Variants in ATP8A2 observed in about 807,000 individuals in gnomAD.
ATP8A2 encodes ATPase phospholipid transporting 8A2, also known as phospholipid-transporting ATPase IB.
In ATP8A2, 100 loss-of-function variants were observed where a neutral mutation model predicts 165.6. The ratio of observed to expected loss-of-function variants is 0.60; its 90% confidence interval spans 0.51 to 0.71. ATP8A2 has a LOEUF of 0.71. Among genes scored for constraint, ATP8A2 ranks in the 30% least tolerant of loss-of-function variants. ATP8A2 has a pLI of 0.00. For synonymous variants in ATP8A2, 543 were observed against 548.8 expected, an observed-to-expected ratio of 0.99 and a Z score of 0.15; for missense variants, 1,227 against 1,479.5, an observed-to-expected ratio of 0.83 and a Z score of 2.80.
At chr13:25,608,853 A>G (rs1445866058) in intron 24 of ATP8A2, among the ~76,000 whole-genome samples, 2 of 152,318 alleles carry the variant, frequency 1.3e-5, no homozygotes, top group East Asian at 3.9e-4. Flanking sequence ...TGTGAGTGCT[A>G]TGCCCTTGCC....
At chr13:25,893,079 T>C (rs2138908683) in intron 33 of ATP8A2, among the ~76,000 whole-genome samples, 1 of 152,206 alleles carries the variant, frequency 6.6e-6, no homozygotes, top group South Asian at 2.1e-4. Context: ...TTTTAAGTTT[T>C]AGGGTACATG....
intron 2 of ATP8A2, among the ~76,000 whole-genome samples, chr13:25,475,118 A>G (rs1364242261): frequency 1.3e-5 from 2 of 152,044 alleles, no homozygotes; most frequent in Non-Finnish European, 2.9e-5. Flanking sequence ...CACCTGTAAT[A>G]GGCCACTGTG....
intron 33 of ATP8A2, among the ~76,000 whole-genome samples, chr13:25,918,135 C>G (rs1954323665): frequency 6.6e-6 from 1 of 152,186 alleles, no homozygotes; most frequent in African/African-American, 2.4e-5. Context: ...TGGATTTGAG[C>G]TGACTGCCAG....
At chr13:25,976,845 G>A (rs1956054334) in intron 35 of ATP8A2, among the ~76,000 whole-genome samples, 1 of 152,166 alleles carries the variant, frequency 6.6e-6, no homozygotes, top group South Asian at 2.1e-4. Context: ...CTGGAGTGCA[G>A]TGGTGCGACC....
At chr13:25,774,390 C>T (rs1018646461) in intron 26 of ATP8A2, among the ~76,000 whole-genome samples, 14 of 152,032 alleles carry the variant, frequency 9.2e-5, no homozygotes, top group Admixed American at 7.9e-4. Flanking sequence ...AGGGGAACAC[C>T]ACACACTGGG....
chr13:25,412,112 G>A (rs375652855), intron 1 of ATP8A2, among the ~76,000 whole-genome samples: 1 of 152,174 alleles, frequency 6.6e-6, no homozygotes, highest in African/African-American at 2.4e-5. Context: ...GCCGGGGGTG[G>A]TGGGTGCCCC....
intron 2 of ATP8A2, among the ~76,000 whole-genome samples, chr13:25,513,533 C>T (rs1184723669): frequency 6.6e-6 from 1 of 152,076 alleles, no homozygotes; most frequent in African/African-American, 2.4e-5. Context: ...AGGAGAGACG[C>T]TCCTCACTTC....
intron 6 of ATP8A2, among the ~76,000 whole-genome samples, chr13:25,537,715 A>G (rs1204746737): frequency 1.3e-5 from 2 of 152,178 alleles, no homozygotes; most frequent in Non-Finnish European, 1.5e-5. Flanking sequence ...TAAGAAAACG[A>G]GATCTTTATA....
At chr13:25,480,662 A>G (rs2036158920) in intron 2 of ATP8A2, among the ~76,000 whole-genome samples, 1 of 148,532 alleles carries the variant, frequency 6.7e-6, no homozygotes, top group Admixed American at 6.7e-5. Context: ...GATGCTCCTC[A>G]CTTTCCAGAC....
chr13:25,436,338 C>T (rs559365370), intron 1 of ATP8A2, among the ~76,000 whole-genome samples: 1 of 152,102 alleles, frequency 6.6e-6, no homozygotes, highest in African/African-American at 2.4e-5. Context: ...GTTTAGCTCT[C>T]CCTTACAAAT....
chr13:25,629,592 A>G (rs980909275), intron 24 of ATP8A2, among the ~76,000 whole-genome samples: 7 of 152,120 alleles, frequency 4.6e-5, no homozygotes, highest in African/African-American at 1.7e-4. Context: ...GATGGTGCAT[A>G]TGATCTGTAG....
At chr13:25,621,306 C>T (rs2040961706) in intron 24 of ATP8A2, among the ~76,000 whole-genome samples, 1 of 152,192 alleles carries the variant, frequency 6.6e-6, no homozygotes, top group African/African-American at 2.4e-5. Context: ...TTCATCATCT[C>T]TGGGCTGAGT....
intron 24 of ATP8A2, among the ~76,000 whole-genome samples, chr13:25,692,086 G>A (rs568281651): frequency 1.3e-3 from 198 of 152,300 alleles, no homozygotes; most frequent in African/African-American, 4.6e-3. Flanking sequence ...TGAAGAATGG[G>A]GGAGGGCGAT....
intron 2 of ATP8A2, among the ~76,000 whole-genome samples, chr13:25,499,329 A>G (rs1029021664): frequency 6.6e-6 from 1 of 152,226 alleles, no homozygotes; most frequent in Non-Finnish European, 1.5e-5. Flanking sequence ...TACTTCACAA[A>G]TAATGCCTAG....
chr13:25,657,946 G>T (rs2041969353), intron 24 of ATP8A2, among the ~76,000 whole-genome samples: 1 of 152,178 alleles, frequency 6.6e-6, no homozygotes, highest in Non-Finnish European at 1.5e-5. Flanking sequence ...TTTGATGGAG[G>T]TAACGTTACT....
chr13:25,562,246 C>T (rs2039179005), intron 15 of ATP8A2, among the ~76,000 whole-genome samples: 1 of 152,180 alleles, frequency 6.6e-6, no homozygotes, highest in African/African-American at 2.4e-5. Flanking sequence ...CAGCAATGCA[C>T]AAGGGTTTCA....
At chr13:25,727,994 C>T (rs2043532799) in intron 25 of ATP8A2, among the ~76,000 whole-genome samples, 1 of 152,158 alleles carries the variant, frequency 6.6e-6, no homozygotes, top group South Asian at 2.1e-4. Flanking sequence ...CAAATGCCCC[C>T]ACGCTTCTCA....
At chr13:25,655,351 G>T (rs2041905323) in intron 24 of ATP8A2, among the ~76,000 whole-genome samples, 1 of 152,100 alleles carries the variant, frequency 6.6e-6, no homozygotes. Context: ...GTAGAGACAG[G>T]GTTTTGCCAT....
chr13:25,969,887 C>T lies in ATP8A2; in HGVS notation c.3377+1208C>T, dbSNP rs114089959. On this transcript the variant is annotated intron_variant, in intron 35 of 36. Transcript: ENST00000381655. Reference sequence around the variant, plus strand: ...ACCGCAGATGTACATATAACCACTACGCGTGGTTGAGGCTTGTTCAGGGCT... The same window carrying T: ...ACCGCAGATGTACATATAACCACTATGCGTGGTTGAGGCTTGTTCAGGGCT... Among the ~76,000 whole-genome samples, 307 of 152,148 alleles carry T rather than the reference C, an allele frequency of 2.0e-3. 1 individual carries two copies. Among genetic ancestry groups the T allele is most frequent in the African/African-American group, 7.1e-3 (296 of 41,498 alleles).
Sources: gnomAD v4.1 joint callset for allele counts (sites outside exome capture counted in the v4.1 genomes callset) on GRCh38, gnomAD v4.1.1 for gene constraint, MANE v1.5 for transcripts, NCBI Gene and HGNC (gene_info 2026-07-23, HGNC 2026-07-21) for gene names.